The following CBY1 variants were observed in gnomAD, a reference collection of about 807,000 sequenced individuals.
CBY1 encodes chibby 1, beta catenin antagonist.
A neutral mutation model predicts 15.6 loss-of-function variants in CBY1; 10 were observed. The ratio of observed to expected loss-of-function variants is 0.64; its 90% CI spans 0.40 to 1.09. The LOEUF (loss-of-function observed/expected upper bound fraction) is 1.09, where lower values mean the gene tolerates loss of function less well. Among genes scored for constraint, CBY1 ranks in the 50% least tolerant of loss-of-function variants. The pLI, the probability that CBY1 is intolerant of heterozygous loss-of-function variation, is 0.01. For missense variants in CBY1, 150 were observed against 160.5 expected (o/e 0.93, Z 0.35); for synonymous variants, 61 against 63.5 (o/e 0.96, Z 0.19).
rs775745566 is a variant in CBY1, at chr22:38,673,185, CTTAA to C, written c.332_335del (p.Leu111TrpfsTer8). 6.2e-7 allele frequency: 1 copy of C among 1,612,486 alleles called. No homozygotes were observed. The highest frequency in any genetic ancestry group is 1.3e-5 in the African/African-American group (1 of 74,860). ...TTTCAGAGTCCACTGCTGAATCCCA[CTTAA>C]TGGAGAAGGAACTGGATGAACTGAG... is the stretch of plus-strand genomic sequence containing the variant. On this transcript the variant is annotated frameshift_variant, in exon 5 of 5. Coordinates refer to ENST00000216029, the MANE Select transcript of CBY1 (RefSeq NM_015373.4). LOFTEE classifies it high-confidence loss of function.
intron 1 of CBY1, among the ~76,000 whole-genome samples, chr22:38,659,859 C>T (rs1397138778): frequency 9.7e-6 from 1 of 103,384 alleles, no homozygotes; most frequent in Non-Finnish European, 1.9e-5. Context: ...GAGACTCTGT[C>T]TCAAAAAAAA....
At chr22:38,666,234 T>TATATA (rs1555982684) in intron 1 of CBY1, among the ~76,000 whole-genome samples, 56 of 82,512 alleles carry the variant, frequency 6.8e-4, no homozygotes, top group Non-Finnish European at 9.1e-4. Flanking sequence ...TATATATATA[T>TATATA]TTTTTTTTCT....
At chr22:38,668,602 C>A (rs1482461213) in intron 2 of CBY1, 29 of 156,182 alleles carry the variant, frequency 1.9e-4, no homozygotes, top group Non-Finnish European at 1.4e-5. Context: ...AACTGCTGAT[C>A]TCAGGTGATC....
At chr22:38,667,024 T>TC (rs949894501) in intron 1 of CBY1, among the ~76,000 whole-genome samples, 1 of 151,354 alleles carries the variant, frequency 6.6e-6, no homozygotes, top group Non-Finnish European at 1.5e-5. Flanking sequence ...ATTTTTTTTT[T>TC]TTTAGAGACA....
At chr22:38,667,686 A>ATCCTGTGT (rs1569255394) in intron 1 of CBY1, 2 of 227,418 alleles carry the variant, frequency 8.8e-6, no homozygotes, top group East Asian at 2.3e-4. Flanking sequence ...TGTGTGAGGC[A>ATCCTGTGT]GAAGGCTCAC....
At chr22:38,668,179 T>A in intron 2 of CBY1, 47 bp downstream of exon 2, 3 of 1,090,254 alleles carry the variant, frequency 2.8e-6, no homozygotes, top group Non-Finnish European at 4.3e-6. Context: ...ATGAGTTGAG[T>A]GCTGAGCGTG....
intron 4 of CBY1, among the ~76,000 whole-genome samples, chr22:38,672,958 T>C (rs1447254733): frequency 6.6e-6 from 1 of 152,128 alleles, no homozygotes; most frequent in Admixed American, 6.5e-5. Context: ...CAGAGTGGAC[T>C]GTGAATATTC....
intron 1 of CBY1, chr22:38,665,668 T>C (rs966787570): frequency 6.9e-6 from 8 of 1,160,856 alleles, no homozygotes; most frequent in Non-Finnish European, 6.5e-6. Context: ...TGCAATTCTG[T>C]GCATGTACAG....
At chr22:38,670,822 G>A in intron 2 of CBY1, 62 bp from the exon 3 acceptor site, 4 of 1,044,018 alleles carry the variant, frequency 3.8e-6, no homozygotes. Flanking sequence ...TGGCGGAAGA[G>A]GAGCTGGGAT....
chr22:38,657,101 C>T, intron 1 of CBY1: 1 of 983,238 alleles, frequency 1.0e-6, no homozygotes, highest in Middle Eastern at 5.2e-4. Context: ...TTTGAGAATC[C>T]GATGAAAACC....
intron 1 of CBY1, among the ~76,000 whole-genome samples, chr22:38,657,952 A>C (rs1263881506): frequency 2.0e-5 from 3 of 152,158 alleles, no homozygotes; most frequent in African/African-American, 7.2e-5. Flanking sequence ...TAATTCATTA[A>C]ATCTCGAGTA....
rs931740191 is a variant in CBY1 at position 38,662,504 on chromosome 22, G to A, written c.-38-5513G>A. Among the ~76,000 whole-genome samples the A allele has an allele frequency of 2.0e-5, 3 of 150,514 alleles. 1 individual carries two copies. The highest frequency in any genetic ancestry group is 4.4e-5 in the Non-Finnish European group (3 of 67,638). On this transcript the variant is annotated intron_variant, in intron 1 of 4. Coordinates refer to ENST00000216029, the MANE Select transcript of CBY1 (RefSeq NM_015373.4). ...TTGGGGTAGGCAATTTTTTTTGGGG[G>A]GCGGGGGACAGGATCTCACTCTGTC...
At chr22:38,665,590 G>C (rs1006842421) in intron 1 of CBY1, 1 of 448,786 alleles carries the variant, frequency 2.2e-6, no homozygotes, top group African/African-American at 2.0e-5. Context: ...ACTACACACA[G>C]CTGCATGGAT....
intron 1 of CBY1, among the ~76,000 whole-genome samples, chr22:38,662,382 A>G (rs2092424702): frequency 6.6e-6 from 1 of 152,206 alleles, no homozygotes; most frequent in East Asian, 1.9e-4. Flanking sequence ...CCTGTTTTAC[A>G]TCATATACAA....
intron 2 of CBY1, 189 bp from the exon 3 acceptor site, chr22:38,670,695 A>T (rs748982659): frequency 8.6e-5 from 49 of 572,664 alleles, no homozygotes; most frequent in African/African-American, 8.4e-4. Flanking sequence ...ATAAAACAGT[A>T]TATTTTTTAT....
chr22:38,669,995 C>G (rs1185488967), intron 2 of CBY1: 2 of 152,020 alleles, frequency 1.3e-5, no homozygotes, highest in Non-Finnish European at 2.9e-5. Context: ...CTTTGGGAGG[C>G]TGAGGTGGGC....
At chr22:38,657,767 A>G (rs1218352331) in intron 1 of CBY1, among the ~76,000 whole-genome samples, 1 of 152,182 alleles carries the variant, frequency 6.6e-6, no homozygotes, top group Non-Finnish European at 1.5e-5. Flanking sequence ...CCAGGCCCCT[A>G]AACTTGTTGT....
At chr22:38,657,275 A>C (rs1481581898) in intron 1 of CBY1, 1 of 171,738 alleles carries the variant, frequency 5.8e-6, no homozygotes, top group East Asian at 1.9e-4. Flanking sequence ...TGTGAGGATC[A>C]AGTGCACAGC....
intron 4 of CBY1, among the ~76,000 whole-genome samples, chr22:38,672,421 C>T (rs929496220): frequency 2.0e-5 from 3 of 151,850 alleles, no homozygotes; most frequent in Non-Finnish European, 4.4e-5. Context: ...CTCTGCCTCC[C>T]GGGTTCAAGT....
Sources: allele counts gnomAD v4.1 joint callset (sites outside exome capture counted in the v4.1 genomes callset), GRCh38; gene constraint gnomAD v4.1.1; transcripts MANE v1.5; gene names NCBI Gene and HGNC (gene_info 2026-07-23, HGNC 2026-07-21).